The following AMDHD2 variants were observed in gnomAD, a reference collection of about 807,000 sequenced individuals.
AMDHD2 encodes N-acetylglucosamine-6-phosphate deacetylase.
Under a neutral mutation model 41.8 loss-of-function variants are expected in AMDHD2, and 24 were observed. The ratio of observed to expected loss-of-function variants is 0.57; its 90% confidence interval spans 0.42 to 0.81. AMDHD2 has a LOEUF of 0.81. AMDHD2 is among the 30% of genes least tolerant of loss of function. The probability of loss-of-function intolerance (pLI) is 0.00; values close to 1 mark genes in which losing one functional copy is unlikely to be tolerated. For synonymous variants in AMDHD2, 332 were observed against 255.5 expected (o/e 1.30, Z -2.85); for missense variants, 540 against 588.5 (o/e 0.92, Z 0.85).
At chr16:2,528,897 G>C in intron 9 of AMDHD2, 97 bp from the exon 10 acceptor site, 2 of 1,472,874 alleles carry the variant, frequency 1.4e-6, no homozygotes, top group African/African-American at 1.4e-5. Context: ...TTAGCCTGCT[G>C]CAGAGTCCCT....
At position 2,530,683 on chromosome 16, in the gene AMDHD2, A is replaced by G. The variant is rs2066079505; in HGVS notation, c.*1120A>G. 1.2e-6 allele frequency: 2 copies of G among 1,614,092 alleles called. No homozygotes were observed. The highest frequency in any genetic ancestry group is 1.7e-6 in the Non-Finnish European group (2 of 1,180,008). ...AGGAAATGTCTCCAGGTCCAAAGAGATAGGATGGTCTGGGCCCCACCTGTT... is the reference window on the plus strand; with the variant it reads ...AGGAAATGTCTCCAGGTCCAAAGAGGTAGGATGGTCTGGGCCCCACCTGTT... On this transcript the variant is annotated 3_prime_UTR_variant, in exon 11 of 11. Transcript: ENST00000293971.
chr16:2,528,099 T>G lies in AMDHD2; in HGVS notation c.668T>G (p.Val223Gly). 2.5e-6 allele frequency: 4 copies of G among 1,613,074 alleles called. No individual in the cohort carries two copies. The highest frequency in any genetic ancestry group is 3.4e-6 in the Non-Finnish European group (4 of 1,179,862). Reference sequence around the variant, plus strand: ...GACCTGCGGGCGGCAGAGGATGCTGTGTGGAGCGGAGCCACCTTCATCACC... The same window carrying G: ...GACCTGCGGGCGGCAGAGGATGCTGGGTGGAGCGGAGCCACCTTCATCACC... ...VADLRAAEDA[V>G]WSGATFITHL... The change falls in exon 6 of 11, where the codon GTG (valine) becomes GGG (glycine). Residue 223 changes from valine to glycine, a missense_variant. Physicochemically the swap from Val to Gly is moderately radical, Grantham distance 109. Coordinates refer to ENST00000293971, the MANE Select transcript of AMDHD2 (RefSeq NM_001330449.2).
In AMDHD2 at chr16:2,527,426, G is replaced by A. The variant is rs2066017601; in HGVS notation, c.361-135G>A. The A allele has an allele frequency of 1.8e-5, 16 of 892,078 alleles. No individual in the cohort carries two copies. In the South Asian group the frequency reaches 2.4e-4, roughly 13 times the overall value. 55.3% of individuals were successfully genotyped at this position (892,078 alleles called of 1,614,324 possible). A position where few individuals can be genotyped will look rare whatever the true frequency, so the allele number is the denominator to read the frequency against. ...GCCGGCTGTGCTTTCCCTGACCCCT[G>A]TGAGGGGACAGGCGGCCGGGGCTGG... On this transcript the variant is annotated intron_variant, in intron 3 of 10. Coordinates refer to ENST00000293971, the MANE Select transcript of AMDHD2 (RefSeq NM_001330449.2). This position sits in a 1 kb window ranked among gnomAD's most constrained non-coding sequence, Gnocchi z 6.1.
rs951967947 is a variant in AMDHD2, at chr16:2,528,575, C to G, written c.970+16C>G. Reference sequence around the variant, plus strand: ...TACGTGGCAGGTGAGCGCCCTGACCCACTGGGTCCCAGGTCCCAGCCCGCA... The same window carrying G: ...TACGTGGCAGGTGAGCGCCCTGACCGACTGGGTCCCAGGTCCCAGCCCGCA... On this transcript the variant is annotated intron_variant, in intron 8 of 10. Coordinates refer to ENST00000293971, the MANE Select transcript of AMDHD2 (RefSeq NM_001330449.2). The G allele has an allele frequency of 3.7e-6, 6 of 1,612,512 alleles. No homozygotes were observed. The highest frequency in any genetic ancestry group is 3.3e-5 in the South Asian group (3 of 91,070).
Position 2,520,887 on chromosome 16 carries a change from A to G in AMDHD2, c.202A>G (p.Ile68Val). Residue 68 changes from isoleucine (I) to valine (V), a missense_variant, in exon 2 of 11, where the codon ATC (isoleucine) becomes GTC (valine). By Grantham distance (29) the Ile-to-Val change is conservative (BLOSUM62 3). Transcript: ENST00000293971. ...CGGRILAPGF[I>V]DVQINGGFGV... ...GGGCCGCATCTTGGCTCCCGGATTCATCGACGTGCAGATCAACGGTGCGGC... is the reference window on the plus strand; with the variant it reads ...GGGCCGCATCTTGGCTCCCGGATTCGTCGACGTGCAGATCAACGGTGCGGC... 6.2e-7 allele frequency: 1 copy of G among 1,610,002 alleles called. No homozygotes were observed.
Position 2,530,763 on chromosome 16 carries a change from A to C in AMDHD2, c.*1200A>C. On this transcript the variant is annotated 3_prime_UTR_variant, in exon 11 of 11. Transcript: ENST00000293971. ...GCCTGGGCAGGGCCTCGCCTGAGGGAGGGCCTGGGGCAGGGCACAAGGGGT... is the reference window on the plus strand; with the variant it reads ...GCCTGGGCAGGGCCTCGCCTGAGGGCGGGCCTGGGGCAGGGCACAAGGGGT... 6.2e-7 allele frequency: 1 copy of C among 1,613,448 alleles called. No homozygotes were observed. Among genetic ancestry groups the C allele is most frequent in the Non-Finnish European group, 8.5e-7 (1 of 1,179,784 alleles).
At chr16:2,520,959 G>C (rs768624611) in intron 2 of AMDHD2, 25 bp from the exon 3 acceptor site, 7 of 1,596,792 alleles carry the variant, frequency 4.4e-6, no homozygotes, top group African/African-American at 2.7e-5. Context: ...AGCTCCATGC[G>C]ACACTTCCTT....
intron 5 of AMDHD2, 37 bp from the exon 6 acceptor site, chr16:2,528,023 C>T (rs995301413): frequency 1.2e-6 from 2 of 1,611,242 alleles, no homozygotes; most frequent in Non-Finnish European, 1.7e-6. Context: ...CTTGGGGGAC[C>T]TGGGCCAGGT....
intron 3 of AMDHD2, among the ~76,000 whole-genome samples, chr16:2,523,016 G>T (rs1341701747): frequency 6.6e-6 from 1 of 151,914 alleles, no homozygotes; most frequent in Non-Finnish European, 1.5e-5. Context: ...GCTAATTTTT[G>T]TATTTTTAGT....
rs368676622 is a variant in AMDHD2, at chr16:2,527,826, G to A, written c.469G>A (p.Glu157Lys). 349 of 1,594,092 alleles carry A rather than the reference G, an allele frequency of 2.2e-4. No individual in the cohort carries two copies. The highest frequency in any genetic ancestry group is 3.3e-4 in the Middle Eastern group (2 of 6,040). Residue 157 changes from glutamate (E) to lysine (K), a missense_variant, in exon 5 of 11, where the codon GAG (glutamate) becomes AAG (lysine). Physicochemically the swap from Glu to Lys is moderately conservative, Grantham distance 56. Coordinates refer to ENST00000293971, the MANE Select transcript of AMDHD2 (RefSeq NM_001330449.2). The surrounding 1 kb of genome is among the most constrained non-coding windows in gnomAD (Gnocchi z 6.1). Reference protein sequence around the residue: ...ISREKRGAHPEAHLRSFEADA... With the variant: ...ISREKRGAHPKAHLRSFEADA... ...CCGGGAGAAGCGGGGCGCGCACCCC[G>A]AGGCCCACCTCCGCTCCTTCGAGGC...
chr16:2,522,125 C>T (rs934602572), intron 3 of AMDHD2, among the ~76,000 whole-genome samples: 3 of 152,052 alleles, frequency 2.0e-5, no homozygotes, highest in Non-Finnish European at 2.9e-5. Flanking sequence ...TCTCTGTGGC[C>T]CAGGTTGGAG....
At position 2,528,623 on chromosome 16, in the gene AMDHD2, C is replaced by G. The variant is rs370284026; in HGVS notation, c.971-27C>G. 246 of 1,612,876 alleles carry G rather than the reference C, an allele frequency of 1.5e-4. No homozygotes were observed. The highest frequency in any genetic ancestry group is 2.1e-4 in the Non-Finnish European group (242 of 1,179,954). On this transcript the variant is annotated intron_variant, in intron 8 of 10. Coordinates refer to ENST00000293971, the MANE Select transcript of AMDHD2 (RefSeq NM_001330449.2). ...GCATGCCAGGTGGCCCACGACCCCC[C>G]CAGAGCCTGCCCTCTCTGCTCTCAA...
chr16:2,525,702 G>A lies in AMDHD2; in HGVS notation c.361-1859G>A, dbSNP rs140511940. 8.5e-4 allele frequency among the ~76,000 whole-genome samples: 130 copies of A among 152,226 alleles called. 2 individuals are homozygous for A. In the East Asian group the frequency reaches 0.023, roughly 27 times the overall value. On this transcript the variant is annotated intron_variant, in intron 3 of 10. Transcript: ENST00000293971. Reference sequence around the variant, plus strand: ...TGGGACTACAGGTGCTCGCCACCACGCACGGCTAATTTTTTGTATTTTTAG... The same window carrying A: ...TGGGACTACAGGTGCTCGCCACCACACACGGCTAATTTTTTGTATTTTTAG...
At chr16:2,520,566 G>T (rs754438070) in intron 1 of AMDHD2, 25 bp downstream of exon 1, 1 of 1,226,036 alleles carries the variant, frequency 8.2e-7, no homozygotes, top group Non-Finnish European at 1.0e-6. Flanking sequence ...GGGACTGCGG[G>T]GCTGGGGACC....
At position 2,527,713 on chromosome 16, in the gene AMDHD2, C is replaced by A. The variant is rs1022820961; in HGVS notation, c.416-60C>A. Reference sequence around the variant, plus strand: ...CCAGATGCCCAGCTGGTGGGGAGGGCAGGTGATAAGGGCTGGGTGGGGCAG... The same window carrying A: ...CCAGATGCCCAGCTGGTGGGGAGGGAAGGTGATAAGGGCTGGGTGGGGCAG... On this transcript the variant is annotated intron_variant, in intron 4 of 10. Transcript: ENST00000293971. The surrounding 1 kb of genome is among the most constrained non-coding windows in gnomAD (Gnocchi z 6.1). 9 of 1,553,692 alleles carry A rather than the reference C, an allele frequency of 5.8e-6. No homozygotes were observed. The highest frequency in any genetic ancestry group is 3.9e-4 in the Middle Eastern group (2 of 5,168).
Position 2,528,659 on chromosome 16 carries a change from C to G in AMDHD2, c.980C>G (p.Thr327Arg). The stretch of plus-strand genomic sequence containing the variant: ...CCTCTCTGCTCTCAAGGCACCAAGA[C>G]GCTGAGTGGCAGCATAGCCCCAATG... ...GLTAYVAGTK[T>R]LSGSIAPMDV... Residue 327 changes from threonine to arginine, a missense_variant, in exon 9 of 11, where the codon ACG becomes AGG. Transcript: ENST00000293971. 6.2e-7 allele frequency: 1 copy of G among 1,613,032 alleles called. No individual in the cohort carries two copies. Among genetic ancestry groups the G allele is most frequent in the Non-Finnish European group, 8.5e-7 (1 of 1,179,982 alleles).
intron 3 of AMDHD2, among the ~76,000 whole-genome samples, chr16:2,524,518 T>C (rs1194655882): frequency 2.6e-5 from 4 of 152,240 alleles, no homozygotes; most frequent in African/African-American, 7.2e-5. Context: ...GCTCTCTCTA[T>C]GTAGCGCCCT....
In AMDHD2 at chr16:2,527,507, G is replaced by C; in HGVS notation, c.361-54G>C. 6.3e-7 allele frequency: 1 copy of C among 1,579,858 alleles called. No individual in the cohort carries two copies. Among genetic ancestry groups the C allele is most frequent in the Admixed American group, 1.8e-5 (1 of 55,348 alleles). ...AGATCTCTGGCCTTGGCTAGGCTGT[G>C]GCCTCTGGGAATGGGCTGTGGGGGA... On this transcript the variant is annotated intron_variant, in intron 3 of 10. Transcript: ENST00000293971. The surrounding 1 kb of genome is among the most constrained non-coding windows in gnomAD (Gnocchi z 6.1).
At chr16:2,525,579 C>CT (rs1303672897) in intron 3 of AMDHD2, among the ~76,000 whole-genome samples, 6 of 152,008 alleles carry the variant, frequency 3.9e-5, no homozygotes, top group Non-Finnish European at 7.4e-5. Flanking sequence ...GAGTCTCACT[C>CT]TGTCACCCAG....
Sources: allele counts gnomAD v4.1 joint callset (sites outside exome capture counted in the v4.1 genomes callset), GRCh38; gene constraint gnomAD v4.1.1; non-coding constraint Gnocchi (gnomAD v3.1); transcripts MANE v1.5; gene names NCBI Gene and HGNC (gene_info 2026-07-23, HGNC 2026-07-21).